Variants in CUX1 observed in about 807,000 individuals in gnomAD.
CUX1 encodes the protein protein CASP.
CUX1 carries 31 observed loss-of-function variants against 158.8 expected under a neutral mutation model. The observed-to-expected ratio is 0.20, with a 90% CI of 0.15 to 0.26. The LOEUF is 0.26. Ranked by LOEUF, CUX1 falls within the 10% of genes least tolerant of loss-of-function variation. The pLI, the probability that CUX1 is intolerant of heterozygous loss-of-function variation, is 1.00. For missense variants in CUX1, 1,589 were observed against 2,014.6 expected, an observed-to-expected ratio of 0.79 and a Z score of 4.04; for synonymous variants, 879 against 862.1, an observed-to-expected ratio of 1.02 and a Z score of -0.34.
chr7:102,092,528 AC>A (rs1828685653), intron 4 of CUX1, among the ~76,000 whole-genome samples: 2 of 152,204 alleles, frequency 1.3e-5, no homozygotes, highest in East Asian at 3.9e-4. Context: ...GCCCCAGTCA[AC>A]CCATCACAAG....
chr7:102,171,182 A>G (rs1223206963), intron 10 of CUX1, among the ~76,000 whole-genome samples: 4 of 152,078 alleles, frequency 2.6e-5, no homozygotes, highest in Admixed American at 6.6e-5. Flanking sequence ...GGGACAAGGA[A>G]CAGCGTAGGA....
At chr7:101,986,935 C>G (rs866339931) in intron 2 of CUX1, among the ~76,000 whole-genome samples, 2 of 152,082 alleles carry the variant, frequency 1.3e-5, no homozygotes, top group Admixed American at 1.3e-4. Context: ...CCCTGGAAGC[C>G]GTGGGGATGT....
At chr7:102,221,556 A>T (rs385417) in intron 20 of CUX1, among the ~76,000 whole-genome samples, 1 of 150,982 alleles carries the variant, frequency 6.6e-6, no homozygotes, top group East Asian at 1.9e-4. Context: ...CGGGTTTTCA[A>T]TTGGCTCCCA....
chr7:102,196,104 T>A (rs1794771620), intron 14 of CUX1, among the ~76,000 whole-genome samples: 1 of 152,224 alleles, frequency 6.6e-6, no homozygotes, highest in Non-Finnish European at 1.5e-5. Flanking sequence ...TTGACTGTGC[T>A]TCTGGTTTGG....
intron 2 of CUX1, among the ~76,000 whole-genome samples, chr7:102,007,752 T>A (rs569901904): frequency 6.6e-6 from 1 of 151,338 alleles, no homozygotes; most frequent in African/African-American, 2.4e-5. Context: ...TGTTTTGTTT[T>A]GTTTTTTTTG....
intron 4 of CUX1, among the ~76,000 whole-genome samples, chr7:102,074,779 G>A (rs2130652326): frequency 6.6e-6 from 1 of 152,362 alleles, no homozygotes; most frequent in South Asian, 2.1e-4. Flanking sequence ...CCCACCTGAT[G>A]TGTCCGGCAG....
intron 2 of CUX1, among the ~76,000 whole-genome samples, chr7:101,948,520 G>A (rs1808659467): frequency 6.6e-6 from 1 of 152,178 alleles, no homozygotes; most frequent in Non-Finnish European, 1.5e-5. Flanking sequence ...CAGTGTTCAA[G>A]TTGTCTGATT....
chr7:102,189,037 G>A (rs182965156), intron 11 of CUX1, among the ~76,000 whole-genome samples: 5 of 151,996 alleles, frequency 3.3e-5, no homozygotes, highest in South Asian at 2.1e-4. Flanking sequence ...CCAAGCACTC[G>A]ACTGAACAGG....
chr7:101,852,372 C>T (rs1246808280), intron 1 of CUX1, among the ~76,000 whole-genome samples: 1 of 151,894 alleles, frequency 6.6e-6, no homozygotes, highest in African/African-American at 2.4e-5. Flanking sequence ...AATCCCAGCA[C>T]TTTGGGAGGC....
chr7:102,067,790 G>T (rs755861307), intron 3 of CUX1, among the ~76,000 whole-genome samples: 1 of 151,468 alleles, frequency 6.6e-6, no homozygotes, highest in African/African-American at 2.4e-5. Context: ...CTGTAATCTC[G>T]CCTGACCCCT....
At chr7:101,875,963 T>C (rs1799085463) in intron 1 of CUX1, among the ~76,000 whole-genome samples, 1 of 152,162 alleles carries the variant, frequency 6.6e-6, no homozygotes, top group African/African-American at 2.4e-5. Flanking sequence ...TGACTGCCGA[T>C]GGTTTGGTCC....
intron 1 of CUX1, among the ~76,000 whole-genome samples, chr7:101,833,562 T>TTA (rs1554384959): frequency 2.6e-5 from 2 of 75,814 alleles, no homozygotes; most frequent in Non-Finnish European, 4.6e-5. Flanking sequence ...CTCTGTCTCT[T>TTA]AAAAAAAAAA....
At chr7:101,841,179 C>T (rs992479359) in intron 1 of CUX1, among the ~76,000 whole-genome samples, 1 of 152,172 alleles carries the variant, frequency 6.6e-6, no homozygotes, top group Non-Finnish European at 1.5e-5. Flanking sequence ...AGGCGTGAGC[C>T]ACCACGCCCG....
intron 5 of CUX1, among the ~76,000 whole-genome samples, chr7:102,098,732 C>T (rs1208061880): frequency 6.6e-6 from 1 of 151,428 alleles, no homozygotes; most frequent in Non-Finnish European, 1.5e-5. Flanking sequence ...GCTCTGCCTC[C>T]CGGGTTCACG....
chr7:102,105,504 C>CTTT (rs781922611), intron 6 of CUX1, among the ~76,000 whole-genome samples: 19,053 of 85,778 alleles, frequency 0.22, 2,818 homozygotes, highest in Non-Finnish European at 0.27. Flanking sequence ...CCATATAGAT[C>CTTT]TTTTTTTTTT....
At chr7:101,821,036 GAAGT>G (rs1792412741) in intron 1 of CUX1, among the ~76,000 whole-genome samples, 1 of 152,204 alleles carries the variant, frequency 6.6e-6, no homozygotes, top group Non-Finnish European at 1.5e-5. Flanking sequence ...GATGCCGAGA[GAAGT>G]GTGTGTGTGT....
intron 3 of CUX1, among the ~76,000 whole-genome samples, chr7:102,064,457 A>G (rs1355482257): frequency 6.6e-6 from 1 of 151,802 alleles, no homozygotes; most frequent in African/African-American, 2.4e-5. Flanking sequence ...TTGCCTTAAG[A>G]CCTCACCTTA....
At position 102,249,331 on chromosome 7, in the gene CUX1, G is replaced by T. The variant is rs1732811101; in HGVS notation, c.*289G>T. ...AGCCCGCGGCCTGGACCCCTGGACCGCTTTGCGCACTTACCGCCCTGCGGG... is the reference window on the plus strand; with the variant it reads ...AGCCCGCGGCCTGGACCCCTGGACCTCTTTGCGCACTTACCGCCCTGCGGG... On this transcript the variant is annotated 3_prime_UTR_variant, in exon 24 of 24. Transcript: ENST00000292535. 9.8e-7 allele frequency: 1 copy of T among 1,018,968 alleles called. No individual in the cohort carries two copies. Among genetic ancestry groups the T allele is most frequent in the Middle Eastern group, 4.8e-4 (1 of 2,072 alleles). The allele number at this position is 1,018,968 out of a possible 1,614,324, so 63.1% of individuals were successfully genotyped here.
intron 1 of CUX1, among the ~76,000 whole-genome samples, chr7:101,859,380 T>G (rs1797200959): frequency 6.6e-6 from 1 of 152,240 alleles, no homozygotes; most frequent in African/African-American, 2.4e-5. Flanking sequence ...TCAGCTTCTT[T>G]TAAAAATATC....
Sources: gnomAD v4.1 joint callset for allele counts (sites outside exome capture counted in the v4.1 genomes callset) on GRCh38, gnomAD v4.1.1 for gene constraint, MANE v1.5 for transcripts, NCBI Gene and HGNC (gene_info 2026-07-23, HGNC 2026-07-21) for gene names.